Variants in CACNB2 observed in about 807,000 individuals in gnomAD.
CACNB2 encodes the protein calcium voltage-gated channel auxiliary subunit beta 2, also known as voltage-dependent L-type calcium channel subunit beta-2.
In CACNB2, 42 loss-of-function variants were observed where a neutral mutation model predicts 73.3. The observed-to-expected ratio is 0.57, with a 90% CI of 0.45 to 0.74. CACNB2 has a LOEUF of 0.74. Among genes scored for constraint, CACNB2 ranks in the 30% least tolerant of loss-of-function variants. CACNB2 has a pLI of 0.00. For synonymous variants in CACNB2, 348 were observed against 310.3 expected, an observed-to-expected ratio of 1.12 and a Z score of -1.28; for missense variants, 940 against 853.0, an observed-to-expected ratio of 1.10 and a Z score of -1.27.
intron 3 of CACNB2, among the ~76,000 whole-genome samples, chr10:18,479,813 C>T (rs10764523): frequency 2.6e-5 from 4 of 152,006 alleles, no homozygotes; most frequent in African/African-American, 9.7e-5. Context: ...GCCTGAGGAA[C>T]TGAATCAACT....
At chr10:18,428,704 A>C (rs2045733392) in intron 3 of CACNB2, among the ~76,000 whole-genome samples, 1 of 124,244 alleles carries the variant, frequency 8.0e-6, no homozygotes, top group African/African-American at 3.1e-5. Context: ...AAAAAAAAAA[A>C]AAGGAATGAT....
intron 2 of CACNB2, among the ~76,000 whole-genome samples, chr10:18,270,835 A>G (rs1164850471): frequency 6.6e-6 from 1 of 152,080 alleles, no homozygotes; most frequent in Non-Finnish European, 1.5e-5. Context: ...TGATTGTTGT[A>G]TCTCTGTTGC....
rs556716954 is a variant in CACNB2, at chr10:18,527,503, C to G, written c.945-85C>G. 2.0e-4 allele frequency: 161 copies of G among 821,804 alleles called. 4 individuals are homozygous for G. The South Asian group carries it at 2.1e-3, about 11-fold the overall frequency. 50.9% of individuals were successfully genotyped at this position (821,804 alleles called of 1,614,324 possible). ...ATATGGTTGCTATATATATTTCATA[C>G]TTAGATGAATTTGGGGCATACACTT... On this transcript the variant is annotated intron_variant, in intron 9 of 13. Transcript: ENST00000324631.
At chr10:18,532,697 C>CA (rs1187679628) in intron 10 of CACNB2, among the ~76,000 whole-genome samples, 1 of 125,108 alleles carries the variant, frequency 8.0e-6, no homozygotes, top group Admixed American at 8.9e-5. Context: ...AAAAAAAAAA[C>CA]AAAACAAAAA....
In CACNB2 at chr10:18,140,509, G is replaced by C. The variant is rs990263898; in HGVS notation, c.-228G>C. On this transcript the variant is annotated 5_prime_UTR_variant, in exon 1 of 14. Coordinates refer to ENST00000324631, the MANE Select transcript of CACNB2 (RefSeq NM_201596.3). ...CACCGCAGCCGCGCCCCCGCGTCCC[G>C]CCTCCCGAGCGGCTCGCTTCGCCCG... 6.6e-6 allele frequency among the ~76,000 whole-genome samples: 1 copy of C among 151,584 alleles called. No homozygotes were observed. The highest frequency in any genetic ancestry group is 2.4e-5 in the African/African-American group (1 of 41,364).
At chr10:18,471,469 C>T (rs1047077220) in intron 3 of CACNB2, among the ~76,000 whole-genome samples, 1 of 152,120 alleles carries the variant, frequency 6.6e-6, no homozygotes, top group Non-Finnish European at 1.5e-5. Flanking sequence ...CCTAAAAATT[C>T]GTCTTTGTCA....
chr10:18,447,935 G>T (rs2046816439), intron 3 of CACNB2, among the ~76,000 whole-genome samples: 1 of 152,080 alleles, frequency 6.6e-6, no homozygotes. Flanking sequence ...AAATGAACAG[G>T]ATTAAGTAGA....
chr10:18,156,832 C>T (rs769428768), intron 2 of CACNB2, among the ~76,000 whole-genome samples: 5 of 150,330 alleles, frequency 3.3e-5, no homozygotes, highest in African/African-American at 4.9e-5. Context: ...AGATCGAGAC[C>T]AGCCTGACCA....
intron 2 of CACNB2, among the ~76,000 whole-genome samples, chr10:18,218,952 C>T (rs919106776): frequency 6.6e-6 from 1 of 152,148 alleles, no homozygotes; most frequent in Non-Finnish European, 1.5e-5. Context: ...TCTCTTGAGC[C>T]CAGGAGTTTA....
rs117945867 is a variant in CACNB2 at position 18,509,906 on chromosome 10, C to T, written c.670+3359C>T. Reference sequence around the variant, plus strand: ...ACTTTTCAAATATATGAAAGCAGTTCTTTCCAAGTAAATACTAATGTTTGC... The same window carrying T: ...ACTTTTCAAATATATGAAAGCAGTTTTTTCCAAGTAAATACTAATGTTTGC... On this transcript the variant is annotated intron_variant, in intron 6 of 13. Coordinates refer to ENST00000324631, the MANE Select transcript of CACNB2 (RefSeq NM_201596.3). Among the ~76,000 whole-genome samples the T allele has an allele frequency of 7.3e-3, 1,108 of 152,266 alleles. 4 individuals are homozygous for T. The highest frequency in any genetic ancestry group is 0.013 in the Non-Finnish European group (856 of 68,018).
At chr10:18,512,556 A>C (rs1172294709) in intron 6 of CACNB2, among the ~76,000 whole-genome samples, 1 of 152,168 alleles carries the variant, frequency 6.6e-6, no homozygotes, top group African/African-American at 2.4e-5. Flanking sequence ...CTTTTTTTGC[A>C]CATTGTATTG....
At chr10:18,261,385 G>T (rs2037535219) in intron 2 of CACNB2, 1 of 1,550,554 alleles carries the variant, frequency 6.4e-7, no homozygotes, top group African/African-American at 1.4e-5. Flanking sequence ...TCTGGTGCAT[G>T]TTGCCTCTTT....
At chr10:18,378,586 A>G (rs1393375747) in intron 2 of CACNB2, among the ~76,000 whole-genome samples, 1 of 152,140 alleles carries the variant, frequency 6.6e-6, no homozygotes, top group African/African-American at 2.4e-5. Flanking sequence ...CTGTTTCTAC[A>G]AATAATTTTT....
chr10:18,495,816 C>T (rs1444072438), intron 3 of CACNB2, among the ~76,000 whole-genome samples: 2 of 151,884 alleles, frequency 1.3e-5, no homozygotes, highest in Non-Finnish European at 2.9e-5. Flanking sequence ...ACTTTATATA[C>T]TTAAGAACAT....
chr10:18,494,425 C>T (rs183126280), intron 3 of CACNB2, among the ~76,000 whole-genome samples: 1 of 151,790 alleles, frequency 6.6e-6, no homozygotes, highest in Non-Finnish European at 1.5e-5. Context: ...GTCAGGAGAT[C>T]GAGACCATCC....
intron 2 of CACNB2, among the ~76,000 whole-genome samples, chr10:18,355,966 G>A (rs1467184471): frequency 2.0e-5 from 3 of 151,914 alleles, no homozygotes; most frequent in African/African-American, 7.3e-5. Context: ...TGTAATGTCC[G>A]AGTCAACTAA....
chr10:18,343,999 G>C (rs374679100), intron 2 of CACNB2, among the ~76,000 whole-genome samples: 4 of 150,622 alleles, frequency 2.7e-5, no homozygotes, highest in African/African-American at 9.8e-5. Context: ...AGTATTCTAA[G>C]AAGGCTAGTA....
At chr10:18,442,231 C>A (rs1291221227) in intron 3 of CACNB2, among the ~76,000 whole-genome samples, 4 of 151,986 alleles carry the variant, frequency 2.6e-5, no homozygotes, top group Admixed American at 1.3e-4. Context: ...CTCACTGCAA[C>A]CTCCGCCTCC....
chr10:18,447,549 G>GAA (rs2046795482), intron 3 of CACNB2, among the ~76,000 whole-genome samples: 1 of 152,182 alleles, frequency 6.6e-6, no homozygotes, highest in African/African-American at 2.4e-5. Context: ...AACTAGAATA[G>GAA]GACTTTGCAG....
Sources: allele counts gnomAD v4.1 joint callset (sites outside exome capture counted in the v4.1 genomes callset), GRCh38; gene constraint gnomAD v4.1.1; transcripts MANE v1.5; gene names NCBI Gene and HGNC (gene_info 2026-07-23, HGNC 2026-07-21).